The following CDH9 variants were observed in gnomAD, a reference collection of about 807,000 sequenced individuals.
The protein encoded by CDH9 is cadherin-9.
CDH9 carries 28 observed loss-of-function variants against 70.9 expected under a neutral mutation model. That is an observed-to-expected ratio of 0.40 (90% CI 0.29 to 0.54). The LOEUF (loss-of-function observed/expected upper bound fraction) is 0.54. Ranked by LOEUF, CDH9 falls within the 20% of genes least tolerant of loss-of-function variation. CDH9 has a pLI of 0.59. For synonymous variants in CDH9, 409 were observed against 343.1 expected, an observed-to-expected ratio of 1.19 and a Z score of -2.12; for missense variants, 874 against 984.4, an observed-to-expected ratio of 0.89 and a Z score of 1.50.
intron 2 of CDH9, among the ~76,000 whole-genome samples, chr5:26,917,601 T>C (rs759061725): frequency 7.9e-5 from 12 of 152,072 alleles, no homozygotes; most frequent in Non-Finnish European, 1.3e-4. Flanking sequence ...ATGTTTCACA[T>C]TTTACACCTC....
chr5:26,939,395 T>C (rs111742672), intron 2 of CDH9, among the ~76,000 whole-genome samples: 1,548 of 151,648 alleles, frequency 0.01, 12 homozygotes, highest in African/African-American at 0.022. Flanking sequence ...AAATAACAAA[T>C]AAGCAAAAAT....
intron 7 of CDH9, among the ~76,000 whole-genome samples, chr5:26,892,720 T>A (rs1740681353): frequency 6.6e-6 from 1 of 151,980 alleles, no homozygotes; most frequent in Non-Finnish European, 1.5e-5. Context: ...ATTTTTTTGT[T>A]GTTGTTGTTG....
At chr5:27,010,925 T>A (rs1235850846) in intron 1 of CDH9, among the ~76,000 whole-genome samples, 1 of 152,150 alleles carries the variant, frequency 6.6e-6, no homozygotes, top group Non-Finnish European at 1.5e-5. Context: ...GATAACACTT[T>A]ATCAACAGGA....
intron 2 of CDH9, among the ~76,000 whole-genome samples, chr5:26,969,742 A>C (rs1742185951): frequency 6.6e-6 from 1 of 151,944 alleles, no homozygotes; most frequent in African/African-American, 2.4e-5. Context: ...TCAATAACTC[A>C]CAAGCTTTTT....
chr5:26,926,927 G>T (rs746562246), intron 2 of CDH9, among the ~76,000 whole-genome samples: 5 of 94,242 alleles, frequency 5.3e-5, no homozygotes, highest in African/African-American at 1.5e-4. Flanking sequence ...GCCCCCCCCC[G>T]CAAAAAAAAA....
chr5:27,029,447 T>C (rs915626133), intron 1 of CDH9, among the ~76,000 whole-genome samples: 2 of 151,982 alleles, frequency 1.3e-5, no homozygotes, highest in Non-Finnish European at 2.9e-5. Context: ...CCAAGCTATC[T>C]AGACAAAACA....
chr5:27,030,176 T>C (rs1478888235), intron 1 of CDH9, among the ~76,000 whole-genome samples: 1 of 151,980 alleles, frequency 6.6e-6, no homozygotes, highest in Non-Finnish European at 1.5e-5. Flanking sequence ...GTTCTACTTA[T>C]CTCTTCTTCG....
At chr5:26,890,632 C>A in intron 7 of CDH9, 68 bp from the exon 8 acceptor site, 1 of 1,107,304 alleles carries the variant, frequency 9.0e-7, no homozygotes, top group Non-Finnish European at 1.4e-6. Context: ...TTTCTTAAAG[C>A]TATAGGTAAT....
intron 2 of CDH9, among the ~76,000 whole-genome samples, chr5:26,962,467 A>G (rs1294949087): frequency 6.6e-6 from 1 of 152,178 alleles, no homozygotes; most frequent in Non-Finnish European, 1.5e-5. Context: ...ATTTCTCCAC[A>G]TCATCTCCAG....
chr5:26,982,907 A>G (rs1742424010), intron 2 of CDH9, among the ~76,000 whole-genome samples: 1 of 151,752 alleles, frequency 6.6e-6, no homozygotes. Flanking sequence ...GGCTGGTCTC[A>G]AACTCCTGAC....
intron 1 of CDH9, among the ~76,000 whole-genome samples, chr5:26,993,074 C>T (rs1230505270): frequency 7.0e-6 from 1 of 142,650 alleles, no homozygotes; most frequent in African/African-American, 2.7e-5. Flanking sequence ...GCACTCTAAC[C>T]TGGGCAACAA....
chr5:26,921,895 A>C (rs1015308423), intron 2 of CDH9, among the ~76,000 whole-genome samples: 1 of 152,174 alleles, frequency 6.6e-6, no homozygotes. Context: ...ACTAAGAGGA[A>C]TCAAGCAGAA....
intron 1 of CDH9, among the ~76,000 whole-genome samples, chr5:26,996,660 A>G (rs766244935): frequency 1.3e-5 from 2 of 151,970 alleles, no homozygotes; most frequent in Non-Finnish European, 2.9e-5. Context: ...TACATTTATT[A>G]TATAACCATA....
chr5:27,014,023 T>C lies in CDH9; in HGVS notation c.-50+24440A>G, dbSNP rs567523071. ...GTTTTCTTTGCTGAACACTAACAAC[T>C]TAACAGAATATCATCATCAGCTGAG... On this transcript the variant is annotated intron_variant, in intron 1 of 11. Coordinates refer to ENST00000231021, the MANE Select transcript of CDH9 (RefSeq NM_016279.4). Among the ~76,000 whole-genome samples the C allele has an allele frequency of 2.6e-5, 4 of 152,096 alleles. No homozygotes were observed. The East Asian group carries it at 5.8e-4, about 22-fold the overall frequency.
intron 1 of CDH9, among the ~76,000 whole-genome samples, chr5:26,990,626 A>G (rs567999045): frequency 6.6e-6 from 1 of 152,304 alleles, no homozygotes; most frequent in South Asian, 2.1e-4. Context: ...GCAATGGAAG[A>G]GTAACACTTA....
rs192964462 is a variant in CDH9, at chr5:26,973,084, G to A, written c.228+15022C>T. 4.4e-3 allele frequency among the ~76,000 whole-genome samples: 666 copies of A among 152,074 alleles called. 9 individuals are homozygous for A. The highest frequency in any genetic ancestry group is 0.015 in the African/African-American group (630 of 41,502). On this transcript the variant is annotated intron_variant, in intron 2 of 11. Coordinates refer to ENST00000231021, the MANE Select transcript of CDH9 (RefSeq NM_016279.4). ...TCACCATGTTGACCAGGCTGGTCTC[G>A]AACTCCTGACCTCGTGATCTGCCCG...
At chr5:26,940,578 T>C (rs1395694466) in intron 2 of CDH9, among the ~76,000 whole-genome samples, 2 of 152,302 alleles carry the variant, frequency 1.3e-5, no homozygotes, top group Middle Eastern at 3.4e-3. Flanking sequence ...CAAGCCCAAA[T>C]GCCTCTTTTA....
intron 1 of CDH9, among the ~76,000 whole-genome samples, chr5:26,993,006 G>T (rs998738502): frequency 2.0e-5 from 3 of 149,502 alleles, no homozygotes; most frequent in Non-Finnish European, 2.9e-5. Context: ...TGAGGCAGGC[G>T]AATCACTTGA....
Position 26,903,561 on chromosome 5 carries a change from C to T in CDH9, c.999+76G>A, listed in dbSNP as rs1329527108. On this transcript the variant is annotated intron_variant, in intron 6 of 11. Coordinates refer to ENST00000231021, the MANE Select transcript of CDH9 (RefSeq NM_016279.4). ...AAGATGGGGGAAAATAAATCCCAGG[C>T]TTTTTTTCCCTTTACTGAAAAGCAA... The T allele has an allele frequency of 7.4e-6, 7 of 944,638 alleles. No individual in the cohort carries two copies. The South Asian group carries it at 9.0e-5, about 12-fold the overall frequency. The allele number at this position is 944,638 out of a possible 1,614,324, so 58.5% of individuals were successfully genotyped here. A position where few individuals can be genotyped will look rare whatever the true frequency, so the allele number is the denominator to read the frequency against.
Sources: allele counts gnomAD v4.1 joint callset (sites outside exome capture counted in the v4.1 genomes callset), GRCh38; gene constraint gnomAD v4.1.1; transcripts MANE v1.5; gene names NCBI Gene and HGNC (gene_info 2026-07-23, HGNC 2026-07-21).